USP6: variants seen among roughly 807,000 people sequenced by gnomAD.
USP6 encodes ubiquitin carboxyl-terminal hydrolase 6.
A neutral mutation model predicts 175.7 loss-of-function variants in USP6; 128 were observed. That is an observed-to-expected ratio of 0.73 (90% CI 0.63 to 0.84). USP6 has a LOEUF of 0.84. Among genes scored for constraint, USP6 ranks in the 40% least tolerant of loss-of-function variants. The pLI, the probability that USP6 is intolerant of heterozygous loss-of-function variation, is 0.00. For missense variants in USP6, 1,498 were observed against 1,760.3 expected, an observed-to-expected ratio of 0.85 and a Z score of 2.67; for synonymous variants, 562 against 630.6, an observed-to-expected ratio of 0.89 and a Z score of 1.63.
chr17:5,162,640 C>A (rs1222814758), intron 32 of USP6, among the ~76,000 whole-genome samples: 1 of 152,078 alleles, frequency 6.6e-6, no homozygotes, highest in African/African-American at 2.4e-5. Flanking sequence ...CTGTGATTAA[C>A]AGATGGTTAT....
In USP6 at chr17:5,132,224, C is replaced by G. The variant is rs770676210; in HGVS notation, c.156-172C>G. ...CCTTCTTCTCCCAGGTCCTGCCCCTCCTGGGAGTCAGAGCCACAGGAAGGC... is the reference window on the plus strand; with the variant it reads ...CCTTCTTCTCCCAGGTCCTGCCCCTGCTGGGAGTCAGAGCCACAGGAAGGC... On this transcript the variant is annotated intron_variant, in intron 11 of 37. Coordinates refer to ENST00000574788, the MANE Select transcript of USP6 (RefSeq NM_001304284.2). This position sits in a 1 kb window ranked among gnomAD's most constrained non-coding sequence, Gnocchi z 4.7. The G allele has an allele frequency of 8.3e-5, 131 of 1,572,980 alleles. No individual in the cohort carries two copies. The South Asian group carries it at 1.4e-3, about 16-fold the overall frequency.
Position 5,122,813 on chromosome 17 carries a change from G to A in USP6, c.-1299+1063G>A, listed in dbSNP as rs148197426. Among the ~76,000 whole-genome samples, 1,124 of 152,348 alleles carry A rather than the reference G, an allele frequency of 7.4e-3. 21 individuals are homozygous for A. Among genetic ancestry groups the A allele is most frequent in the African/African-American group, 0.025 (1,038 of 41,578 alleles). On this transcript the variant is annotated intron_variant, in intron 4 of 37. Transcript: ENST00000574788. Reference sequence around the variant, plus strand: ...AGGGGTCGGGGCCGGTGGGTAGGGCGCGGAGAGCGCACTGAGCTCTTAGAG... The same window carrying A: ...AGGGGTCGGGGCCGGTGGGTAGGGCACGGAGAGCGCACTGAGCTCTTAGAG...
At chr17:5,121,191 C>G (rs578061300) in intron 3 of USP6, among the ~76,000 whole-genome samples, 184 bp from the exon 4 acceptor site, 1 of 152,314 alleles carries the variant, frequency 6.6e-6, no homozygotes, top group East Asian at 1.9e-4. Flanking sequence ...GTAAGAAATG[C>G]AAACAACCGC....
intron 25 of USP6, among the ~76,000 whole-genome samples, chr17:5,144,281 A>T (rs149774739): frequency 6.7e-6 from 1 of 149,862 alleles, no homozygotes; most frequent in South Asian, 2.5e-4. Context: ...TTATATACAC[A>T]TTATTTTATG....
chr17:5,129,897 G>T (rs2073006507), intron 8 of USP6, 39 bp from the exon 9 acceptor site: 1 of 187,154 alleles, frequency 5.3e-6, no homozygotes, highest in African/African-American at 2.4e-5. Context: ...GATGAGCGGG[G>T]TAGAATGGAG....
At chr17:5,135,336 T>C (rs2073218946) in intron 16 of USP6, 54 bp downstream of exon 16, 3 of 1,597,272 alleles carry the variant, frequency 1.9e-6, no homozygotes, top group Non-Finnish European at 2.6e-6. Context: ...TTCACAGGAG[T>C]GGGTGTCTGG....
chr17:5,122,243 A>G (rs1382056107), intron 4 of USP6, among the ~76,000 whole-genome samples: 6 of 152,090 alleles, frequency 3.9e-5, no homozygotes, highest in Admixed American at 6.6e-5. Context: ...CGTGACTCAC[A>G]GTCAGGACTC....
chr17:5,170,712 G>A lies in USP6; in HGVS notation c.3751G>A (p.Gly1251Ser), dbSNP rs1382626872. The A allele has an allele frequency of 6.2e-7, 1 of 1,613,972 alleles. No individual in the cohort carries two copies. The highest frequency in any genetic ancestry group is 1.1e-5 in the South Asian group (1 of 91,082). Residue 1251 changes from glycine (G) to serine (S), a missense_variant, in exon 36 of 38, where the codon GGC (glycine) becomes AGC (serine). Physicochemically the swap from Gly to Ser is moderately conservative, Grantham distance 56. Transcript: ENST00000574788. ...CTTGAGCCGAGGGCATATGCGGGGG[G>A]GCAGCCAACCAGAGCTGGTCACTCC... ...DALSRGHMRG[G>S]SQPELVTPQD...
intron 22 of USP6, 80 bp from the exon 23 acceptor site, chr17:5,141,345 T>TTA: frequency 9.5e-7 from 1 of 1,055,884 alleles, no homozygotes; most frequent in South Asian, 1.6e-5. Context: ...AAGATGTCTT[T>TTA]AAAAAAAAAA....
At position 5,174,936 on chromosome 17, in the gene USP6, T is replaced by G. The variant is rs1390721185; in HGVS notation, c.*1958T>G. 5.3e-6 allele frequency: 1 copy of G among 190,234 alleles called. No individual in the cohort carries two copies. The highest frequency in any genetic ancestry group is 1.9e-4 in the South Asian group (1 of 5,138). The allele number at this position is 190,234 out of a possible 1,614,324, so 11.8% of individuals were successfully genotyped here. Reference sequence around the variant, plus strand: ...AGTATTGGTAATTGTATATGGGGTGTACCTGTTTATCTGTTAACTATTATC... The same window carrying G: ...AGTATTGGTAATTGTATATGGGGTGGACCTGTTTATCTGTTAACTATTATC... On this transcript the variant is annotated 3_prime_UTR_variant, in exon 38 of 38. Transcript: ENST00000574788.
chr17:5,133,642 G>GCCAGGCCACCCCCCCC, intron 14 of USP6, 92 bp downstream of exon 14: 1 of 1,020,852 alleles, frequency 9.8e-7, no homozygotes, highest in Non-Finnish European at 1.5e-6. Flanking sequence ...CCTGGGGTGG[G>GCCAGGCCACCCCCCCC]GGGGTGGGAG....
chr17:5,120,632 G>C lies in USP6; in HGVS notation c.-1831G>C, dbSNP rs1430458807. 1.6e-5 allele frequency: 6 copies of C among 376,936 alleles called. No homozygotes were observed. The highest frequency in any genetic ancestry group is 2.6e-5 in the Non-Finnish European group (5 of 193,980). 23.3% of individuals were successfully genotyped at this position (376,936 alleles called of 1,614,324 possible). The stretch of plus-strand genomic sequence containing the variant: ...CTGCTGTCCTCTCTGCCCAGGAAAT[G>C]AAGGCCCTTTGAGGTCAGGTGGATG... On this transcript the variant is annotated 5_prime_UTR_variant, in exon 3 of 38. The change abolishes an upstream ATG in the 5' untranslated region. Coordinates refer to ENST00000574788, the MANE Select transcript of USP6 (RefSeq NM_001304284.2).
chr17:5,144,723 G>A lies in USP6; in HGVS notation c.1852G>A (p.Gly618Arg), dbSNP rs1439692631. ...TIAKYAPKFD[G>R]FQQQDSQELL... ...AGCAAAATATGCTCCCAAGTTTGAT[G>A]GGTTTCAGCAACAAGACTCCCAAGA... Residue 618 changes from glycine (G) to arginine (R), a missense_variant, in exon 26 of 38, where the codon GGG (glycine) becomes AGG (arginine). Coordinates refer to ENST00000574788, the MANE Select transcript of USP6 (RefSeq NM_001304284.2). The A allele has an allele frequency of 1.1e-5, 17 of 1,613,538 alleles. No individual in the cohort carries two copies. The highest frequency in any genetic ancestry group is 1.7e-5 in the Admixed American group (1 of 59,950).
rs181215812 is a variant in USP6 at position 5,172,507 on chromosome 17, G to A, written c.4048-298G>A. ...GATTGCACCAGTGCACACCAGCCTGGTGACAGAGCGAGACTCCATCTCAAA... is the reference window on the plus strand; with the variant it reads ...GATTGCACCAGTGCACACCAGCCTGATGACAGAGCGAGACTCCATCTCAAA... On this transcript the variant is annotated intron_variant, in intron 37 of 37. Transcript: ENST00000574788. Among the ~76,000 whole-genome samples the A allele has an allele frequency of 5.0e-3, 769 of 152,308 alleles. 6 individuals carry two copies. The highest frequency in any genetic ancestry group is 0.017 in the African/African-American group (706 of 41,554).
intron 22 of USP6, among the ~76,000 whole-genome samples, chr17:5,140,072 C>T (rs1273588705): frequency 1.9e-4 from 29 of 152,046 alleles, no homozygotes; most frequent in Admixed American, 1.4e-3. Context: ...CCCAGCCCCA[C>T]GACCAGCGTT....
At chr17:5,165,748 AG>A (rs1214448864) in intron 33 of USP6, among the ~76,000 whole-genome samples, 1 of 152,224 alleles carries the variant, frequency 6.6e-6, no homozygotes, top group African/African-American at 2.4e-5. Context: ...GGGTTCCTAT[AG>A]GTAATTTATA....
intron 19 of USP6, 142 bp from the exon 20 acceptor site, chr17:5,137,509 C>G: frequency 2.3e-6 from 2 of 885,724 alleles, no homozygotes; most frequent in East Asian, 2.5e-5. Context: ...AAGACCTTTT[C>G]TGACTCAGCA....
At chr17:5,141,325 A>G (rs2073439117) in intron 22 of USP6, 100 bp from the exon 23 acceptor site, 3 of 1,085,468 alleles carry the variant, frequency 2.8e-6, no homozygotes, top group Non-Finnish European at 4.0e-6. Context: ...AAAACTTCCG[A>G]TTTAGGAATA....
At chr17:5,146,937 T>A in intron 28 of USP6, 146 bp from the exon 29 acceptor site, 1 of 811,506 alleles carries the variant, frequency 1.2e-6, no homozygotes, top group Non-Finnish European at 1.9e-6. Flanking sequence ...GCATTCATCC[T>A]TTATGTAGTT....
Sources: allele counts gnomAD v4.1 joint callset (sites outside exome capture counted in the v4.1 genomes callset), GRCh38; gene constraint gnomAD v4.1.1; non-coding constraint Gnocchi (gnomAD v3.1); transcripts MANE v1.5; gene names NCBI Gene and HGNC (gene_info 2026-07-23, HGNC 2026-07-21).